The following IFNAR1 variants were observed in gnomAD, a reference collection of about 807,000 sequenced individuals.
The protein encoded by IFNAR1 is interferon alpha/beta receptor 1.
A neutral mutation model predicts 62.1 loss-of-function variants in IFNAR1; 47 were observed. The ratio of observed to expected loss-of-function variants is 0.76; its 90% CI spans 0.60 to 0.97. The LOEUF is 0.97. Ranked by LOEUF, IFNAR1 falls within the 50% of genes least tolerant of loss-of-function variation. IFNAR1 has a pLI of 0.00. For synonymous variants in IFNAR1, 219 were observed against 226.9 expected (o/e 0.97, Z 0.31); for missense variants, 638 against 654.5 (o/e 0.97, Z 0.27).
Position 33,350,628 on chromosome 21 carries a change from G to A in IFNAR1, c.1143+1085G>A, listed in dbSNP as rs1318671959. On this transcript the variant is annotated intron_variant, in intron 8 of 10. Coordinates refer to ENST00000270139, the MANE Select transcript of IFNAR1 (RefSeq NM_000629.3). ...GTGTTTCCCAGATCACTTCCCCCTC[G>A]TGGACTTGTAGTCAAGAATCGACCT... Among the ~76,000 whole-genome samples the A allele has an allele frequency of 7.9e-5, 12 of 152,076 alleles. No individual in the cohort carries two copies. The East Asian group carries it at 1.9e-3, about 24-fold the overall frequency.
chr21:33,355,535 C>T lies in IFNAR1; in HGVS notation c.1660C>T (p.Gln554Ter), dbSNP rs1413119786. 4 of 1,579,414 alleles carry T rather than the reference C, an allele frequency of 2.5e-6. No homozygotes were observed. The highest frequency in any genetic ancestry group is 3.4e-6 in the Non-Finnish European group (4 of 1,160,428). The change falls in exon 11 of 11, where the codon CAG becomes TAG. Residue 554 changes from glutamine to a stop codon, truncating the protein, a stop_gained. Transcript: ENST00000270139. LOFTEE classifies it high-confidence loss of function. ...SESKTSEELQ[Q>*]DFV ...AAGTAAAACAAGTGAAGAACTACAGCAGGACTTTGTATGACCAGAAATGAA... is the reference window on the plus strand; with the variant it reads ...AAGTAAAACAAGTGAAGAACTACAGTAGGACTTTGTATGACCAGAAATGAA...
chr21:33,332,392 C>T (rs187724033), intron 1 of IFNAR1, among the ~76,000 whole-genome samples: 3 of 152,320 alleles, frequency 2.0e-5, no homozygotes, highest in Non-Finnish European at 4.4e-5. Flanking sequence ...TAATAAAAGA[C>T]TTTATCTTTG....
chr21:33,346,679 A>G (rs1377472086), intron 6 of IFNAR1, among the ~76,000 whole-genome samples: 2 of 152,246 alleles, frequency 1.3e-5, no homozygotes, highest in Non-Finnish European at 2.9e-5. Context: ...AATTGAAAGC[A>G]GTTAGCCAAC....
chr21:33,336,648 C>T (rs1459773396), intron 2 of IFNAR1, among the ~76,000 whole-genome samples: 1 of 152,076 alleles, frequency 6.6e-6, no homozygotes, highest in African/African-American at 2.4e-5. Context: ...CATTGTACTC[C>T]AAAAGGTCCA....
chr21:33,330,273 C>G (rs2083163734), intron 1 of IFNAR1, among the ~76,000 whole-genome samples: 1 of 152,168 alleles, frequency 6.6e-6, no homozygotes, highest in African/African-American at 2.4e-5. Flanking sequence ...TGTTGTTACA[C>G]CTTACTCATT....
In IFNAR1 at chr21:33,333,614, A is replaced by ATTTTTTTTTTTTTTTTTTTTTTTTTTTTT. The variant is rs59240203; in HGVS notation, c.77-1899_77-1898insTTTTTTTTTTTTTTTTTTTTTTTTTTTTT. Among the ~76,000 whole-genome samples the ATTTTTTTTTTTTTTTTTTTTTTTTTTTTT allele has an allele frequency of 1.9e-4, 20 of 106,992 alleles. 3 individuals are homozygous for ATTTTTTTTTTTTTTTTTTTTTTTTTTTTT. The highest frequency in any genetic ancestry group is 7.4e-4 in the African/African-American group (18 of 24,428). The allele number at this position is 106,992 out of a possible 152,430, so 70.2% of individuals were successfully genotyped here. A position where few individuals can be genotyped will look rare whatever the true frequency, so the allele number is the denominator to read the frequency against. On this transcript the variant is annotated intron_variant, in intron 1 of 10. Transcript: ENST00000270139. ...CCATACTTAAAGAGACTGGCGGAAT[A>ATTTTTTTTTTTTTTTTTTTTTTTTTTTTT]TTTTTTTTTTTCTTTTTTTTTTTTT...
Position 33,325,002 on chromosome 21 carries a change from G to T in IFNAR1, c.-54G>T. On this transcript the variant is annotated 5_prime_UTR_variant, in exon 1 of 11. Coordinates refer to ENST00000270139, the MANE Select transcript of IFNAR1 (RefSeq NM_000629.3). ...CTTAGGACGGGGCGATGGCGGCTGA[G>T]AGGAGCTGCGCGTGCGCGAACATGT... 6.6e-7 allele frequency: 1 copy of T among 1,503,766 alleles called. No homozygotes were observed. Among genetic ancestry groups the T allele is most frequent in the South Asian group, 1.2e-5 (1 of 83,276 alleles). 93.2% of individuals were successfully genotyped at this position (1,503,766 alleles called of 1,614,324 possible). A position where few individuals can be genotyped will look rare whatever the true frequency, so the allele number is the denominator to read the frequency against.
At position 33,349,141 on chromosome 21, in the gene IFNAR1, T is replaced by C. The variant is rs1373186972; in HGVS notation, c.839T>C (p.Ile280Thr). 1 of 1,613,072 alleles carries C rather than the reference T, an allele frequency of 6.2e-7. No homozygotes were observed. The change falls in exon 7 of 11, where the codon ATA becomes ACA. Residue 280 changes from isoleucine to threonine, a missense_variant. Coordinates refer to ENST00000270139, the MANE Select transcript of IFNAR1 (RefSeq NM_000629.3). ...AACCATTTGTATAAATGGAAACAAA[T>C]ACCTGACTGTGAAAATGTCAAAACT... is the stretch of plus-strand genomic sequence containing the variant. ...PGNHLYKWKQ[I>T]PDCENVKTTQ... is the part of the protein sequence containing the mutation.
intron 1 of IFNAR1, chr21:33,335,144 C>A: frequency 3.1e-6 from 2 of 638,586 alleles, no homozygotes; most frequent in African/African-American, 1.8e-5. Flanking sequence ...GCATCTCTAT[C>A]TATCTATGAA....
intron 3 of IFNAR1, among the ~76,000 whole-genome samples, chr21:33,342,865 A>AT (rs989248133): frequency 4.1e-5 from 6 of 147,750 alleles, no homozygotes; most frequent in Non-Finnish European, 7.5e-5. Flanking sequence ...TCAAAAAAAA[A>AT]AAATAAATAA....
intron 8 of IFNAR1, 146 bp downstream of exon 8, chr21:33,349,689 C>A: frequency 3.3e-6 from 2 of 611,308 alleles, no homozygotes; most frequent in South Asian, 4.3e-5. Context: ...CTTCAGGAGG[C>A]CAAGGCGAGA....
At position 33,349,096 on chromosome 21, in the gene IFNAR1, T is replaced by G; in HGVS notation, c.794T>G (p.Phe265Cys). The G allele has an allele frequency of 6.3e-7, 1 of 1,583,464 alleles. No individual in the cohort carries two copies. The highest frequency in any genetic ancestry group is 8.6e-7 in the Non-Finnish European group (1 of 1,166,146). ...AAAAATATTTGTCTTAAAAGCGCCT[T>G]TTTAAAAAGGAATCCTGGAAACCAT... is the stretch of plus-strand genomic sequence containing the variant. Reference protein sequence around the residue: ...MTFQVQWLHAFLKRNPGNHLY... With the variant: ...MTFQVQWLHACLKRNPGNHLY... The change falls in exon 7 of 11, where the codon TTT (phenylalanine) becomes TGT (cysteine). Residue 265 changes from phenylalanine to cysteine, a missense_variant. Phe to Cys is a radical substitution (Grantham distance 205, BLOSUM62 -2). Coordinates refer to ENST00000270139, the MANE Select transcript of IFNAR1 (RefSeq NM_000629.3).
intron 1 of IFNAR1, 50 bp from the exon 2 acceptor site, chr21:33,335,474 A>G: frequency 9.4e-7 from 1 of 1,066,382 alleles, no homozygotes; most frequent in Non-Finnish European, 1.4e-6. Flanking sequence ...AACATTTAGA[A>G]TATCTGTACA....
chr21:33,355,704 A>T lies in IFNAR1; in HGVS notation c.*155A>T, dbSNP rs1210917158. 2.1e-6 allele frequency: 1 copy of T among 479,370 alleles called. No individual in the cohort carries two copies. The highest frequency in any genetic ancestry group is 2.0e-5 in the African/African-American group (1 of 49,772). 29.7% of individuals were successfully genotyped at this position (479,370 alleles called of 1,614,324 possible). A position where few individuals can be genotyped will look rare whatever the true frequency, so the allele number is the denominator to read the frequency against. On this transcript the variant is annotated 3_prime_UTR_variant, in exon 11 of 11. Transcript: ENST00000270139. ...GATCATAGGTCCTAAAAATACGGGC[A>T]AGCTCTTAACTATTTAAAAATGAAA...
intron 2 of IFNAR1, among the ~76,000 whole-genome samples, chr21:33,337,643 AT>A (rs1312772579): frequency 1.4e-5 from 1 of 72,794 alleles, no homozygotes; most frequent in African/African-American, 5.4e-5. Context: ...TACACTATAT[AT>A]ATACATACTG....
At chr21:33,325,938 G>C (rs529929445) in intron 1 of IFNAR1, among the ~76,000 whole-genome samples, 1 of 152,162 alleles carries the variant, frequency 6.6e-6, no homozygotes, top group African/African-American at 2.4e-5. Context: ...TAGTTTTTCA[G>C]ATTAACTTTG....
At chr21:33,331,872 A>G (rs998753952) in intron 1 of IFNAR1, among the ~76,000 whole-genome samples, 54 of 152,102 alleles carry the variant, frequency 3.6e-4, no homozygotes, top group African/African-American at 1.2e-3. Flanking sequence ...TGACCCCCAT[A>G]GGGGTAGAAT....
intron 8 of IFNAR1, among the ~76,000 whole-genome samples, chr21:33,351,247 C>T (rs1601864400): frequency 6.6e-6 from 1 of 152,330 alleles, no homozygotes; most frequent in Non-Finnish European, 1.5e-5. Context: ...CTTCCCTGCA[C>T]CACCAGACCG....
chr21:33,345,955 A>C (rs1286919128), intron 6 of IFNAR1, among the ~76,000 whole-genome samples: 4 of 152,210 alleles, frequency 2.6e-5, no homozygotes, highest in African/African-American at 7.2e-5. Context: ...GCAGTGGCGC[A>C]TGCCTATCGT....
Sources: gnomAD v4.1 joint callset for allele counts (sites outside exome capture counted in the v4.1 genomes callset) on GRCh38, gnomAD v4.1.1 for gene constraint, MANE v1.5 for transcripts, NCBI Gene and HGNC (gene_info 2026-07-23, HGNC 2026-07-21) for gene names.